The following ANKRD35 variants were observed in gnomAD, a reference collection of about 807,000 sequenced individuals.
ANKRD35 encodes the protein ankyrin repeat domain-containing protein 35.
In ANKRD35, 102 loss-of-function variants were observed where a neutral mutation model predicts 109.9. The ratio of observed to expected loss-of-function variants is 0.93; its 90% CI spans 0.79 to 1.09. The LOEUF (loss-of-function observed/expected upper bound fraction) is 1.09. Among genes scored for constraint, ANKRD35 ranks in the 50% least tolerant of loss-of-function variants. ANKRD35 has a pLI of 0.00. For synonymous variants in ANKRD35, 515 were observed against 512.4 expected (o/e 1.01, Z -0.07); for missense variants, 1,240 against 1,230.1 (o/e 1.01, Z -0.12).
At position 145,873,387 on chromosome 1, in the gene ANKRD35, GGCAGCT is replaced by G. The variant is rs1553739344; in HGVS notation, c.1376_1381del (p.Gln459_Leu460del). The G allele has an allele frequency of 1.9e-6, 3 of 1,614,188 alleles. No individual in the cohort carries two copies. The highest frequency in any genetic ancestry group is 4.5e-5 in the East Asian group (2 of 44,876). ...CTGGGAACTCTCCTTCTGACCAGCA[GGCAGCT>G]GGTCAGCATGATCAGGGCCAAAGGT... On this transcript the variant is annotated inframe_deletion, in exon 10 of 14. Coordinates refer to ENST00000355594, the MANE Select transcript of ANKRD35 (RefSeq NM_144698.5).
At chr1:145,871,661 T>C (rs1227084708) in intron 10 of ANKRD35, among the ~76,000 whole-genome samples, 1 of 152,156 alleles carries the variant, frequency 6.6e-6, no homozygotes, top group Admixed American at 6.6e-5. Flanking sequence ...CAGGCTAATA[T>C]GCAATTCAAG....
At chr1:145,871,121 T>TTTTCTTTC (rs146033160) in intron 10 of ANKRD35, among the ~76,000 whole-genome samples, 1 of 112,336 alleles carries the variant, frequency 8.9e-6, no homozygotes, top group East Asian at 4.2e-4. Flanking sequence ...TTCAAGCTTT[T>TTTTCTTTC]TTTCTTTCTT....
Position 145,872,580 on chromosome 1 carries a change from C to G in ANKRD35, c.2189G>C (p.Arg730Pro). The part of the protein sequence containing the change: ...SKAAESLEEL[R>P]ACISTLVDRH... ...ATCCACCAGGGTGCTGATGCAGGCCCGCAGCTCCTCCAGGGACTCCGCTGC... is the reference window on the plus strand; with the variant it reads ...ATCCACCAGGGTGCTGATGCAGGCCGGCAGCTCCTCCAGGGACTCCGCTGC... The change falls in exon 10 of 14, where the codon CGG (arginine) becomes CCG (proline). Residue 730 changes from arginine to proline, a missense_variant. Physicochemically the swap from Arg to Pro is moderately radical, Grantham distance 103. Transcript: ENST00000355594. 1 of 1,611,928 alleles carries G rather than the reference C, an allele frequency of 6.2e-7. No homozygotes were observed. Among genetic ancestry groups the G allele is most frequent in the Non-Finnish European group, 8.5e-7 (1 of 1,179,024 alleles).
At chr1:145,883,482 A>G (rs1553741457) in intron 1 of ANKRD35, among the ~76,000 whole-genome samples, 1 of 152,226 alleles carries the variant, frequency 6.6e-6, no homozygotes, top group African/African-American at 2.4e-5. Context: ...GATATCCTCT[A>G]CTTGACTAAA....
At chr1:145,869,665 T>C (rs1245690091) in intron 10 of ANKRD35, among the ~76,000 whole-genome samples, 1 of 151,798 alleles carries the variant, frequency 6.6e-6, no homozygotes, top group Non-Finnish European at 1.5e-5. Flanking sequence ...GTTGGGGTTT[T>C]GCCATGTTGT....
At position 145,872,063 on chromosome 1, in the gene ANKRD35, G is replaced by A. The variant is rs782669511; in HGVS notation, c.2706C>T (p.Ser902=). The A allele has an allele frequency of 2.0e-5, 32 of 1,613,504 alleles. No homozygotes were observed. The highest frequency in any genetic ancestry group is 5.9e-6 in the Non-Finnish European group (7 of 1,179,918). The change falls in exon 10 of 14, where the codon TCC becomes TCT. Residue 902 remains serine, a synonymous_variant. Coordinates refer to ENST00000355594, the MANE Select transcript of ANKRD35 (RefSeq NM_144698.5). ...GCTCTGCCGTTTTCTCAAACTGCTC[G>A]GAGCGCCCCCGCATCTCGCTGGCCT... ...ERQASEMRGR[S]EQFEKTAELL... is the part of the protein sequence containing the mutation.
In ANKRD35 at chr1:145,873,241, G is replaced by A. The variant is rs782531359; in HGVS notation, c.1528C>T (p.Arg510Trp). 1.4e-5 allele frequency: 23 copies of A among 1,614,130 alleles called. No individual in the cohort carries two copies. Among genetic ancestry groups the A allele is most frequent in the Admixed American group, 1.7e-5 (1 of 60,016 alleles). ...ATGACCGGTCTTGACAAAGCCCCCC[G>A]GGCAGCATCCTTTTCTCGCCACACT... ...AAVWREKDAA[R>W]GALSRPVMEG... The change falls in exon 10 of 14, where the codon CGG becomes TGG. Residue 510 changes from arginine (R) to tryptophan (W), a missense_variant. By Grantham distance (101) the Arg-to-Trp change is moderately radical. Coordinates refer to ENST00000355594, the MANE Select transcript of ANKRD35 (RefSeq NM_144698.5).
At chr1:145,880,886 A>G (rs1654260394) in intron 1 of ANKRD35, among the ~76,000 whole-genome samples, 1 of 152,258 alleles carries the variant, frequency 6.6e-6, no homozygotes, top group Non-Finnish European at 1.5e-5. Flanking sequence ...CATCCCTGGA[A>G]AGTAGCTAGG....
chr1:145,871,153 CTTTTTTT>C (rs59433424), intron 10 of ANKRD35, among the ~76,000 whole-genome samples: 23 of 78,084 alleles, frequency 2.9e-4, no homozygotes, highest in African/African-American at 7.9e-4. Flanking sequence ...TTTCTTTTTT[CTTTTTTT>C]TTTTTTTTTT....
chr1:145,874,341 G>A (rs1653979529), intron 8 of ANKRD35, 149 bp from the exon 9 acceptor site: 1 of 882,648 alleles, frequency 1.1e-6, no homozygotes, highest in Non-Finnish European at 1.8e-6. Flanking sequence ...AGCCAATCTT[G>A]TTTAGTGGAT....
At chr1:145,870,639 C>T (rs1553738434) in intron 10 of ANKRD35, among the ~76,000 whole-genome samples, 1 of 152,212 alleles carries the variant, frequency 6.6e-6, no homozygotes, top group Non-Finnish European at 1.5e-5. Context: ...TCAACCCGCA[C>T]TGATTCCTAT....
chr1:145,877,901 A>G (rs1163477645), intron 4 of ANKRD35, 67 bp downstream of exon 4: 1 of 1,485,656 alleles, frequency 6.7e-7, no homozygotes, highest in African/African-American at 1.4e-5. Flanking sequence ...TAAGTATGAA[A>G]TGAAGTTAGA....
chr1:145,872,593 G>A lies in ANKRD35; in HGVS notation c.2176C>T (p.Leu726=). The A allele has an allele frequency of 6.2e-7, 1 of 1,613,086 alleles. No individual in the cohort carries two copies. The highest frequency in any genetic ancestry group is 1.1e-5 in the South Asian group (1 of 90,954). ...CTGATGCAGGCCCGCAGCTCCTCCA[G>A]GGACTCCGCTGCTTTGCTTTGTGCA... ...RSAQSKAAES[L]EELRACISTL... The change falls in exon 10 of 14, where the codon CTG becomes TTG. Residue 726 remains leucine (L), a synonymous_variant. Transcript: ENST00000355594.
rs28654992 is a variant in ANKRD35 at position 145,868,643 on chromosome 1, G to A, written c.2788-243C>T. On this transcript the variant is annotated intron_variant, in intron 10 of 13. Transcript: ENST00000355594. ...TAAAAGTCCAAATCTTTTTGATATT[G>A]TGAACTATACCCCTTCCAGTTTAGT... Among the ~76,000 whole-genome samples, 948 of 152,284 alleles carry A rather than the reference G, an allele frequency of 6.2e-3. 8 individuals carry two copies. Among genetic ancestry groups the A allele is most frequent in the African/African-American group, 0.021 (880 of 41,564 alleles).
intron 1 of ANKRD35, 50 bp from the exon 2 acceptor site, chr1:145,879,438 G>T: frequency 7.2e-7 from 1 of 1,386,320 alleles, no homozygotes; most frequent in Non-Finnish European, 9.4e-7. Flanking sequence ...GGGTAGTGTG[G>T]AGAAAGAAAA....
At chr1:145,874,288 C>T in intron 8 of ANKRD35, 96 bp from the exon 9 acceptor site, 2 of 1,348,376 alleles carry the variant, frequency 1.5e-6, no homozygotes, top group Non-Finnish European at 2.1e-6. Context: ...AGAGGAGTGG[C>T]CTCTCTGTGA....
Position 145,871,121 on chromosome 1 carries a change from T to TTTTCTTTCTTTC in ANKRD35, c.2787+849_2787+860dup, listed in dbSNP as rs146033160. On this transcript the variant is annotated intron_variant, in intron 10 of 13. Coordinates refer to ENST00000355594, the MANE Select transcript of ANKRD35 (RefSeq NM_144698.5). ...TATCTAATAGTGGTTTTCAAGCTTTTTTTCTTTCTTTCTTTCTTTCTTTTC... is the reference window on the plus strand; with the variant it reads ...TATCTAATAGTGGTTTTCAAGCTTTTTTTCTTTCTTTCTTTCTTTCTTTCTTTCTTTCTTTTC... Among the ~76,000 whole-genome samples, 13 of 112,450 alleles carry TTTTCTTTCTTTC rather than the reference T, an allele frequency of 1.2e-4. No homozygotes were observed. The East Asian group carries it at 2.5e-3, about 22-fold the overall frequency. The allele number at this position is 112,450 out of a possible 152,430, so 73.8% of individuals were successfully genotyped here.
At chr1:145,885,441 T>A (rs1053058150) in intron 1 of ANKRD35, among the ~76,000 whole-genome samples, 4 of 150,804 alleles carry the variant, frequency 2.7e-5, no homozygotes, top group Non-Finnish European at 4.4e-5. Context: ...GGGGACAGAG[T>A]TGCAGAAAAC....
At position 145,872,161 on chromosome 1, in the gene ANKRD35, G is replaced by T. The variant is rs587686513; in HGVS notation, c.2608C>A (p.Leu870Met). 1 of 1,609,402 alleles carries T rather than the reference G, an allele frequency of 6.2e-7. No individual in the cohort carries two copies. The highest frequency in any genetic ancestry group is 8.5e-7 in the Non-Finnish European group (1 of 1,177,974). The stretch of plus-strand genomic sequence containing the variant: ...CGCTCCTCGGCCACCGCCTCCCGCA[G>T]CCGACCCACTTCCCGGCAGGCCGTA... The part of the protein sequence containing the change: ...YNTACREVGR[L>M]REAVAEERRR... The change falls in exon 10 of 14, where the codon CTG (leucine) becomes ATG (methionine). Residue 870 changes from leucine (L) to methionine (M), a missense_variant. Leu to Met is a conservative substitution (Grantham distance 15, BLOSUM62 2). Transcript: ENST00000355594.
Sources: allele counts gnomAD v4.1 joint callset (sites outside exome capture counted in the v4.1 genomes callset), GRCh38; gene constraint gnomAD v4.1.1; transcripts MANE v1.5; gene names NCBI Gene and HGNC (gene_info 2026-07-23, HGNC 2026-07-21).